The following PLXDC2 variants were observed in gnomAD, a reference collection of about 807,000 sequenced individuals.
PLXDC2 encodes plexin domain containing 2.
In PLXDC2, 40 loss-of-function variants were observed where a neutral mutation model predicts 68.9. That is an observed-to-expected ratio of 0.58 (90% CI 0.45 to 0.76). The LOEUF is 0.76. Among genes scored for constraint, PLXDC2 ranks in the 30% least tolerant of loss-of-function variants. PLXDC2 has a pLI of 0.00. For synonymous variants in PLXDC2, 243 were observed against 234.2 expected (o/e 1.04, Z -0.34); for missense variants, 644 against 661.9 (o/e 0.97, Z 0.30).
At chr10:20,141,009 A>G (rs913779293) in intron 4 of PLXDC2, among the ~76,000 whole-genome samples, 1 of 152,110 alleles carries the variant, frequency 6.6e-6, no homozygotes, top group Non-Finnish European at 1.5e-5. Flanking sequence ...TCATAGTGAC[A>G]TAACTTATTT....
At chr10:20,107,065 G>GTATATATATACACTATATATATA (rs1368249673) in intron 4 of PLXDC2, among the ~76,000 whole-genome samples, 2 of 147,642 alleles carry the variant, frequency 1.4e-5, no homozygotes, top group African/African-American at 2.5e-5. Flanking sequence ...TACACTATAT[G>GTATATATATACACTATATATATA]CTATATATAT....
chr10:20,245,594 T>C, intron 13 of PLXDC2, 89 bp downstream of exon 13: 2 of 1,404,228 alleles, frequency 1.4e-6, no homozygotes, highest in Non-Finnish European at 1.9e-6. Flanking sequence ...ATTTACCACA[T>C]GGCTTCTCCA....
At position 20,285,633 on chromosome 10, in the gene PLXDC2, T is replaced by G. The variant is rs1183510172; in HGVS notation, c.*5814T>G. On this transcript the variant is annotated 3_prime_UTR_variant, in exon 14 of 14. Coordinates refer to ENST00000377252, the MANE Select transcript of PLXDC2 (RefSeq NM_032812.9). ...TTCTCCCTGACCTAAGAATACTTTC[T>G]AGTTCACTGCAGTCTTACTGACCAG... The G allele has an allele frequency of 2.6e-5, 4 of 152,230 alleles. No individual in the cohort carries two copies. Among genetic ancestry groups the G allele is most frequent in the African/African-American group, 9.6e-5 (4 of 41,470 alleles). 9.4% of individuals were successfully genotyped at this position (152,230 alleles called of 1,614,324 possible).
At chr10:19,829,146 G>A (rs1430496817) in intron 1 of PLXDC2, among the ~76,000 whole-genome samples, 3 of 136,506 alleles carry the variant, frequency 2.2e-5, no homozygotes, top group African/African-American at 5.8e-5. Flanking sequence ...TTTGGTGCAC[G>A]CTTTCCTCTT....
intron 4 of PLXDC2, among the ~76,000 whole-genome samples, chr10:20,096,212 A>G (rs537497227): frequency 6.6e-6 from 1 of 152,316 alleles, no homozygotes; most frequent in South Asian, 2.1e-4. Flanking sequence ...TATCTTGTGC[A>G]TAACGAATCT....
At chr10:19,887,662 A>T (rs999796044) in intron 1 of PLXDC2, among the ~76,000 whole-genome samples, 1 of 152,240 alleles carries the variant, frequency 6.6e-6, no homozygotes, top group African/African-American at 2.4e-5. Flanking sequence ...TGTATGTCAC[A>T]CATGTAAAAT....
chr10:20,246,747 T>C (rs899275578), intron 13 of PLXDC2, among the ~76,000 whole-genome samples: 50 of 152,332 alleles, frequency 3.3e-4, no homozygotes, highest in African/African-American at 1.2e-3. Flanking sequence ...AATCTTCTCT[T>C]GCAGAATTTC....
chr10:20,015,287 A>C (rs1327444581), intron 2 of PLXDC2, among the ~76,000 whole-genome samples: 2 of 152,150 alleles, frequency 1.3e-5, no homozygotes, highest in African/African-American at 4.8e-5. Flanking sequence ...CAAGGTTGGA[A>C]TATACTAAAG....
At chr10:20,011,974 C>G (rs1443493704) in intron 2 of PLXDC2, among the ~76,000 whole-genome samples, 3 of 152,110 alleles carry the variant, frequency 2.0e-5, no homozygotes, top group Admixed American at 2.0e-4. Flanking sequence ...ATGATAGTGT[C>G]TGATAAACAG....
chr10:20,139,894 A>G (rs1392816142), intron 4 of PLXDC2, among the ~76,000 whole-genome samples: 2 of 152,144 alleles, frequency 1.3e-5, no homozygotes, highest in African/African-American at 4.8e-5. Flanking sequence ...TAGGAGAAGT[A>G]CCTAATGTAG....
At chr10:20,103,209 A>G (rs7096382) in intron 4 of PLXDC2, among the ~76,000 whole-genome samples, 103,280 of 152,140 alleles carry the variant, frequency 0.68, 37,562 homozygotes, top group East Asian at 1. Flanking sequence ...TTTTCAAATC[A>G]ATAGAAAAAT....
intron 2 of PLXDC2, among the ~76,000 whole-genome samples, chr10:20,045,174 C>T (rs1328621350): frequency 6.6e-6 from 1 of 151,784 alleles, no homozygotes; most frequent in African/African-American, 2.4e-5. Flanking sequence ...GCAGATATAC[C>T]TAGGGTTTTT....
chr10:20,241,146 A>G (rs1835510511), intron 12 of PLXDC2, among the ~76,000 whole-genome samples: 1 of 151,990 alleles, frequency 6.6e-6, no homozygotes, highest in Non-Finnish European at 1.5e-5. Context: ...ATTTTTTAAA[A>G]GGAGATAATG....
chr10:20,126,364 A>ATAATACATATATACATATGTGTTATT (rs1833779844), intron 4 of PLXDC2, among the ~76,000 whole-genome samples: 1 of 146,192 alleles, frequency 6.8e-6, no homozygotes, highest in South Asian at 2.2e-4. Flanking sequence ...TATGTGTTAT[A>ATAATACATATATACATATGTGTTATT]TAATACATAT....
chr10:19,977,543 C>T (rs1056564062), intron 1 of PLXDC2, among the ~76,000 whole-genome samples: 63 of 152,274 alleles, frequency 4.1e-4, no homozygotes, highest in Non-Finnish European at 3.5e-4. Flanking sequence ...CTGCTTTCAC[C>T]ATTGCACAGT....
At chr10:20,030,932 A>G (rs1278668734) in intron 2 of PLXDC2, among the ~76,000 whole-genome samples, 1 of 151,828 alleles carries the variant, frequency 6.6e-6, no homozygotes, top group African/African-American at 2.4e-5. Context: ...TTGTGAATAA[A>G]CCCAAATTTA....
At chr10:20,037,558 GT>G (rs1417209726) in intron 2 of PLXDC2, among the ~76,000 whole-genome samples, 5 of 151,864 alleles carry the variant, frequency 3.3e-5, no homozygotes, top group Non-Finnish European at 5.9e-5. Flanking sequence ...AAGGTTCAAG[GT>G]TTGTACCAGG....
chr10:20,206,485 T>C (rs1227106122), intron 9 of PLXDC2, among the ~76,000 whole-genome samples: 1 of 151,918 alleles, frequency 6.6e-6, no homozygotes, highest in African/African-American at 2.4e-5. Context: ...TATGTAATAG[T>C]GTGTTCAAAG....
intron 9 of PLXDC2, among the ~76,000 whole-genome samples, chr10:20,193,749 T>A (rs906993915): frequency 6.6e-6 from 1 of 152,122 alleles, no homozygotes; most frequent in Non-Finnish European, 1.5e-5. Context: ...GTGTATTTTA[T>A]GAAGCAGAAA....
Sources: gnomAD v4.1 joint callset for allele counts (sites outside exome capture counted in the v4.1 genomes callset) on GRCh38, gnomAD v4.1.1 for gene constraint, MANE v1.5 for transcripts, NCBI Gene and HGNC (gene_info 2026-07-23, HGNC 2026-07-21) for gene names.